Variants in REV3L observed in about 807,000 individuals in gnomAD.
REV3L encodes the protein DNA polymerase zeta catalytic subunit.
REV3L carries 69 observed loss-of-function variants against 299.4 expected under a neutral mutation model. The ratio of observed to expected loss-of-function variants is 0.23; its 90% CI spans 0.19 to 0.28. REV3L has a LOEUF of 0.28. Ranked by LOEUF, REV3L falls within the 10% of genes least tolerant of loss-of-function variation. REV3L has a pLI of 1.00. For synonymous variants in REV3L, 1,238 were observed against 1,271.4 expected, an observed-to-expected ratio of 0.97 and a Z score of 0.56; for missense variants, 3,128 against 3,693.8, an observed-to-expected ratio of 0.85 and a Z score of 3.97.
intron 1 of REV3L, among the ~76,000 whole-genome samples, chr6:111,452,688 T>C (rs1215713203): frequency 6.6e-6 from 1 of 152,104 alleles, no homozygotes; most frequent in African/African-American, 2.4e-5. Context: ...CTTTTTAGGG[T>C]GATAGAAATA....
rs1478887744 is a variant in REV3L at position 111,300,149 on chromosome 6, T to A, written c.9260A>T (p.Lys3087Met). ...TCGATCAAAGCAACCTGTACAGTTC[T>A]TGCATATCTGAAAGCATAAGAGAAA... ...RQQEQLVKIC[K>M]NCTGCFDRHI... The change falls in exon 32 of 32, where the codon AAG becomes ATG. Residue 3087 changes from lysine (K) to methionine (M), a missense_variant. Coordinates refer to ENST00000368802, the MANE Select transcript of REV3L (RefSeq NM_001372078.1). The A allele has an allele frequency of 6.3e-7, 1 of 1,581,676 alleles. No homozygotes were observed. The highest frequency in any genetic ancestry group is 1.7e-4 in the Middle Eastern group (1 of 5,936).
chr6:111,415,690 T>C (rs1382113267), intron 2 of REV3L, among the ~76,000 whole-genome samples: 1 of 152,118 alleles, frequency 6.6e-6, no homozygotes, highest in Non-Finnish European at 1.5e-5. Flanking sequence ...TTCCATGCTG[T>C]TCCTACTCCC....
intron 1 of REV3L, among the ~76,000 whole-genome samples, chr6:111,455,957 C>G (rs1205735377): frequency 6.6e-6 from 1 of 152,154 alleles, no homozygotes; most frequent in African/African-American, 2.4e-5. Flanking sequence ...ATATCGAAAC[C>G]TCGTATATGG....
At chr6:111,305,915 G>C (rs17511560) in intron 31 of REV3L, among the ~76,000 whole-genome samples, 2 of 152,196 alleles carry the variant, frequency 1.3e-5, no homozygotes, top group East Asian at 1.9e-4. Context: ...GTACTGACTA[G>C]AACCACAAAA....
At chr6:111,418,025 A>G (rs1784945522) in intron 1 of REV3L, among the ~76,000 whole-genome samples, 1 of 152,218 alleles carries the variant, frequency 6.6e-6, no homozygotes, top group Non-Finnish European at 1.5e-5. Flanking sequence ...ATGAGTCTTA[A>G]TAGATTTAAT....
Position 111,310,045 on chromosome 6 carries a change from T to A in REV3L, c.8850A>T (p.Pro2950=), listed in dbSNP as rs1164230268. 3 of 1,608,476 alleles carry A rather than the reference T, an allele frequency of 1.9e-6. No individual in the cohort carries two copies. The South Asian group carries it at 3.3e-5, about 18-fold the overall frequency. ...CGGGGGTCCCATAAATGATGACGTA[T>A]GGCACTCGCTCCCCAACCTGAGGCT... ...RSEPQVGERV[P]YVIIYGTPGV... Residue 2950 remains proline, a synonymous_variant, in exon 30 of 32, where the codon CCA becomes CCT. Transcript: ENST00000368802.
At chr6:111,370,988 G>A (rs1779747370) in intron 13 of REV3L, among the ~76,000 whole-genome samples, 1 of 151,292 alleles carries the variant, frequency 6.6e-6, no homozygotes, top group Non-Finnish European at 1.5e-5. Flanking sequence ...TTTCCCACTG[G>A]AGTCAGGAAC....
Position 111,333,359 on chromosome 6 carries a change from C to T in REV3L, c.7689G>A (p.Val2563=). 1 of 1,614,010 alleles carries T rather than the reference C, an allele frequency of 6.2e-7. No individual in the cohort carries two copies. ...HVLTRGSQYR[V]ESMMLRIAKP... ...TAGCAATACGCAACATCATTGATTCCACACGGTACTGCAGGGAGAAAGGGA... is the reference window on the plus strand; with the variant it reads ...TAGCAATACGCAACATCATTGATTCTACACGGTACTGCAGGGAGAAAGGGA... The change falls in exon 23 of 32, where the codon GTG becomes GTA. Residue 2563 remains valine, a synonymous_variant. Coordinates refer to ENST00000368802, the MANE Select transcript of REV3L (RefSeq NM_001372078.1).
intron 21 of REV3L, among the ~76,000 whole-genome samples, chr6:111,342,776 G>A (rs936441443): frequency 5.3e-5 from 8 of 151,834 alleles, no homozygotes; most frequent in African/African-American, 1.9e-4. Context: ...AAGTGACATC[G>A]GTCAACCACT....
chr6:111,446,726 AAACAAAC>A (rs1302382036), intron 1 of REV3L, among the ~76,000 whole-genome samples: 3 of 151,598 alleles, frequency 2.0e-5, no homozygotes, highest in African/African-American at 7.3e-5. Context: ...ACAAACAAAC[AAACAAAC>A]AACTCCCAAA....
chr6:111,432,176 G>A (rs1369930433), intron 1 of REV3L, among the ~76,000 whole-genome samples: 5 of 152,154 alleles, frequency 3.3e-5, no homozygotes, highest in Admixed American at 3.3e-4. Flanking sequence ...CAGAAAACAA[G>A]CAATGAAATG....
At chr6:111,427,331 C>T (rs970134077) in intron 1 of REV3L, among the ~76,000 whole-genome samples, 2 of 152,098 alleles carry the variant, frequency 1.3e-5, no homozygotes, top group African/African-American at 2.4e-5. Context: ...AGTTGTGAAT[C>T]ATATATTTCA....
At chr6:111,448,404 T>A (rs1241919493) in intron 1 of REV3L, among the ~76,000 whole-genome samples, 2 of 151,954 alleles carry the variant, frequency 1.3e-5, no homozygotes, top group African/African-American at 4.8e-5. Flanking sequence ...AATAGAGTAA[T>A]CTTGGCTCAC....
chr6:111,345,333 G>C (rs1405179274), intron 20 of REV3L, among the ~76,000 whole-genome samples: 5 of 152,134 alleles, frequency 3.3e-5, no homozygotes, highest in Non-Finnish European at 5.9e-5. Flanking sequence ...GGAGACAGGA[G>C]CAATAATCAA....
chr6:111,322,243 G>A (rs1241175692), intron 26 of REV3L, among the ~76,000 whole-genome samples: 1 of 152,098 alleles, frequency 6.6e-6, no homozygotes, highest in East Asian at 1.9e-4. Context: ...CTATATTAGA[G>A]GAATTATTCA....
Position 111,388,837 on chromosome 6 carries a change from A to C in REV3L, c.862+269T>G, listed in dbSNP as rs564672774. Among the ~76,000 whole-genome samples the C allele has an allele frequency of 5.3e-5, 8 of 152,352 alleles. No homozygotes were observed. The South Asian group carries it at 1.7e-3, about 32-fold the overall frequency. ...AGGGCTAGAACATACTAGAGAATGA[A>C]AACAAAAAAGTGAGGCAAGAGGACA... On this transcript the variant is annotated intron_variant, in intron 7 of 31. Transcript: ENST00000368802.
At chr6:111,454,499 G>A (rs992492671) in intron 1 of REV3L, among the ~76,000 whole-genome samples, 1 of 151,758 alleles carries the variant, frequency 6.6e-6, no homozygotes, top group Non-Finnish European at 1.5e-5. Flanking sequence ...TCCATCTCCA[G>A]AACTTTCCCA....
intron 24 of REV3L, among the ~76,000 whole-genome samples, chr6:111,330,621 A>G (rs1192567717): frequency 1.3e-5 from 2 of 152,240 alleles, no homozygotes; most frequent in Non-Finnish European, 2.9e-5. Flanking sequence ...GGAGATAATA[A>G]GCTGCTAGAT....
At chr6:111,458,594 C>T (rs1385404355) in intron 1 of REV3L, among the ~76,000 whole-genome samples, 2 of 151,898 alleles carry the variant, frequency 1.3e-5, no homozygotes, top group African/African-American at 2.4e-5. Flanking sequence ...TTTTAGGATA[C>T]AAAAATCAAT....
Sources: gnomAD v4.1 joint callset for allele counts (sites outside exome capture counted in the v4.1 genomes callset) on GRCh38, gnomAD v4.1.1 for gene constraint, MANE v1.5 for transcripts, NCBI Gene and HGNC (gene_info 2026-07-23, HGNC 2026-07-21) for gene names.